The following PRKD1 variants were observed in gnomAD, a reference collection of about 807,000 sequenced individuals.
The protein encoded by PRKD1 is serine/threonine-protein kinase D1.
A neutral mutation model predicts 95.9 loss-of-function variants in PRKD1; 63 were observed. The ratio of observed to expected loss-of-function variants is 0.66; its 90% CI spans 0.54 to 0.81. The LOEUF (loss-of-function observed/expected upper bound fraction) is 0.81, where lower values mean the gene tolerates loss of function less well. PRKD1 is among the 30% of genes least tolerant of loss of function. The pLI is 0.00. For synonymous variants in PRKD1, 425 were observed against 423.1 expected (o/e 1.00, Z -0.05); for missense variants, 1,048 against 1,165.3 (o/e 0.90, Z 1.47).
intron 4 of PRKD1, among the ~76,000 whole-genome samples, chr14:29,654,385 G>C (rs185161290): frequency 5.5e-4 from 83 of 152,138 alleles, no homozygotes; most frequent in African/African-American, 1.9e-3. Context: ...TGTTGACCAG[G>C]CTGGTCTCGA....
At chr14:29,903,722 CA>C (rs1156684079) in intron 1 of PRKD1, among the ~76,000 whole-genome samples, 2 of 151,848 alleles carry the variant, frequency 1.3e-5, no homozygotes, top group Non-Finnish European at 2.9e-5. Context: ...AACTGAGGAA[CA>C]AAAAATGATT....
chr14:29,661,052 G>A (rs1034490019), intron 4 of PRKD1, among the ~76,000 whole-genome samples: 1 of 152,276 alleles, frequency 6.6e-6, no homozygotes, highest in East Asian at 1.9e-4. Flanking sequence ...AGTTTGTCAT[G>A]TGATCTATGC....
At chr14:29,926,237 A>G (rs1361257138) in intron 1 of PRKD1, among the ~76,000 whole-genome samples, 1 of 152,232 alleles carries the variant, frequency 6.6e-6, no homozygotes, top group East Asian at 1.9e-4. Context: ...AGTGATAATT[A>G]GAAAGCAAAA....
At chr14:29,739,072 G>T (rs776383789) in intron 1 of PRKD1, among the ~76,000 whole-genome samples, 45 of 152,084 alleles carry the variant, frequency 3.0e-4, no homozygotes, top group Non-Finnish European at 5.3e-4. Context: ...CTTGCTTCAA[G>T]TGATCCTCCA....
At chr14:29,857,802 T>C (rs1379505154) in intron 1 of PRKD1, among the ~76,000 whole-genome samples, 1 of 152,104 alleles carries the variant, frequency 6.6e-6, no homozygotes, top group East Asian at 1.9e-4. Flanking sequence ...GAAAATCTGA[T>C]AGAAGAATGT....
intron 1 of PRKD1, among the ~76,000 whole-genome samples, chr14:29,735,243 G>A (rs1354971593): frequency 6.6e-6 from 1 of 152,078 alleles, no homozygotes; most frequent in Non-Finnish European, 1.5e-5. Context: ...TGCATTTTTA[G>A]GATAAGCAAT....
chr14:29,809,271 A>AGGC (rs1399309656), intron 1 of PRKD1, among the ~76,000 whole-genome samples: 1 of 152,246 alleles, frequency 6.6e-6, no homozygotes, highest in Non-Finnish European at 1.5e-5. Flanking sequence ...TACATCTTAA[A>AGGC]GGCCCCAGGA....
chr14:29,647,123 CTG>C (rs1482773618), intron 4 of PRKD1, among the ~76,000 whole-genome samples: 2 of 152,060 alleles, frequency 1.3e-5, no homozygotes, highest in Non-Finnish European at 2.9e-5. Flanking sequence ...GTGACAGATA[CTG>C]TGTTATACCA....
chr14:29,811,364 C>T (rs1281999634), intron 1 of PRKD1, among the ~76,000 whole-genome samples: 1 of 152,170 alleles, frequency 6.6e-6, no homozygotes, highest in Non-Finnish European at 1.5e-5. Context: ...CAGAGCAATG[C>T]TCTGTGCACC....
intron 13 of PRKD1, among the ~76,000 whole-genome samples, chr14:29,604,597 A>T (rs1279769803): frequency 6.6e-6 from 1 of 152,186 alleles, no homozygotes; most frequent in African/African-American, 2.4e-5. Flanking sequence ...GTCGACTCTC[A>T]TTCCTGCCAG....
intron 2 of PRKD1, among the ~76,000 whole-genome samples, chr14:29,674,250 T>C (rs150586568): frequency 5.9e-4 from 90 of 152,300 alleles, no homozygotes; most frequent in African/African-American, 2.0e-3. Flanking sequence ...CTATAAAAAC[T>C]AGTATTATTT....
chr14:29,666,571 A>T (rs111762494), intron 2 of PRKD1, among the ~76,000 whole-genome samples: 2 of 152,288 alleles, frequency 1.3e-5, no homozygotes, highest in African/African-American at 4.8e-5. Context: ...TGAGTGAGAA[A>T]GGTATTCAAA....
chr14:29,733,632 T>C (rs762515753), intron 1 of PRKD1, among the ~76,000 whole-genome samples: 27 of 152,118 alleles, frequency 1.8e-4, no homozygotes, highest in Non-Finnish European at 3.2e-4. Context: ...GGAGAATTGC[T>C]GAGTGAAGGG....
chr14:29,683,739 T>C (rs558733178), intron 2 of PRKD1, among the ~76,000 whole-genome samples: 24 of 152,346 alleles, frequency 1.6e-4, no homozygotes, highest in African/African-American at 5.1e-4. Flanking sequence ...GCATATCGCA[T>C]GGCATGGCTA....
In PRKD1 at chr14:29,737,248, G is replaced by A. The variant is rs566228283; in HGVS notation, c.265-11574C>T. Among the ~76,000 whole-genome samples the A allele has an allele frequency of 9.4e-4, 138 of 147,510 alleles. 1 individual carries two copies. The South Asian group carries it at 0.028, about 30-fold the overall frequency. Reference sequence around the variant, plus strand: ...GAGGCAGGAGAATGGCGTGAACCCGGGAAGCGGAGCTTGCAGTGAGCCGAG... The same window carrying A: ...GAGGCAGGAGAATGGCGTGAACCCGAGAAGCGGAGCTTGCAGTGAGCCGAG... On this transcript the variant is annotated intron_variant, in intron 1 of 17. Coordinates refer to ENST00000331968, the MANE Select transcript of PRKD1 (RefSeq NM_002742.3).
intron 16 of PRKD1, among the ~76,000 whole-genome samples, chr14:29,586,993 C>T (rs146278031): frequency 9.6e-4 from 146 of 152,148 alleles, no homozygotes; most frequent in African/African-American, 3.3e-3. Flanking sequence ...TATAAGATAA[C>T]GTAGATAAAG....
intron 1 of PRKD1, among the ~76,000 whole-genome samples, chr14:29,750,416 A>T (rs1165250448): frequency 6.6e-6 from 1 of 152,140 alleles, no homozygotes; most frequent in Non-Finnish European, 1.5e-5. Context: ...AGATAAAAAC[A>T]CTCCTAATAC....
intron 1 of PRKD1, 131 bp downstream of exon 1, chr14:29,927,118 T>C: frequency 9.6e-7 from 1 of 1,037,760 alleles, no homozygotes; most frequent in South Asian, 4.0e-5. Context: ...GGCCAGCCGC[T>C]TCCAGAGCGC....
chr14:29,644,745 C>T (rs2077810445), intron 4 of PRKD1, among the ~76,000 whole-genome samples: 1 of 151,958 alleles, frequency 6.6e-6, no homozygotes, highest in African/African-American at 2.4e-5. Flanking sequence ...TAGCACTTTA[C>T]ATGGATTTCA....
Sources: gnomAD v4.1 joint callset for allele counts (sites outside exome capture counted in the v4.1 genomes callset) on GRCh38, gnomAD v4.1.1 for gene constraint, MANE v1.5 for transcripts, NCBI Gene and HGNC (gene_info 2026-07-23, HGNC 2026-07-21) for gene names.